The following CDH18 variants were observed in gnomAD, a reference collection of about 807,000 sequenced individuals.
CDH18 encodes the protein cadherin-18.
Under a neutral mutation model 67.9 loss-of-function variants are expected in CDH18, and 31 were observed. The ratio of observed to expected loss-of-function variants is 0.46; its 90% CI spans 0.34 to 0.62. The LOEUF is 0.62. CDH18 is among the 20% of genes least tolerant of loss of function. The probability of loss-of-function intolerance (pLI) is 0.01; values close to 1 mark genes in which losing one functional copy is unlikely to be tolerated. For missense variants in CDH18, 890 were observed against 975.5 expected (o/e 0.91, Z 1.17); for synonymous variants, 362 against 347.2 (o/e 1.04, Z -0.48).
chr5:19,752,243 C>T (rs1184036382), intron 3 of CDH18, among the ~76,000 whole-genome samples: 1 of 151,798 alleles, frequency 6.6e-6, no homozygotes, highest in African/African-American at 2.4e-5. Flanking sequence ...GCACTAAAGC[C>T]CTACTTTCTT....
At chr5:20,320,020 A>C (rs1195521910) in intron 1 of CDH18, among the ~76,000 whole-genome samples, 1 of 152,160 alleles carries the variant, frequency 6.6e-6, no homozygotes, top group African/African-American at 2.4e-5. Context: ...TGCATTAGAT[A>C]TATCAGGATG....
intron 10 of CDH18, among the ~76,000 whole-genome samples, chr5:19,515,217 G>C (rs546358233): frequency 6.6e-6 from 1 of 152,212 alleles, no homozygotes; most frequent in South Asian, 2.1e-4. Flanking sequence ...CTCTGTTTTG[G>C]TACCAGTACC....
At chr5:19,719,480 A>G (rs1765735122) in intron 5 of CDH18, among the ~76,000 whole-genome samples, 1 of 152,010 alleles carries the variant, frequency 6.6e-6, no homozygotes, top group Admixed American at 6.6e-5. Context: ...ATAGAACAAA[A>G]TGTGAAATAT....
intron 2 of CDH18, among the ~76,000 whole-genome samples, chr5:19,912,965 T>C (rs1791318535): frequency 6.6e-6 from 1 of 152,098 alleles, no homozygotes; most frequent in Non-Finnish European, 1.5e-5. Context: ...TTAGAGACTA[T>C]GAGAAGGCTT....
At chr5:20,534,826 C>CTTGT (rs1231389841) in intron 1 of CDH18, among the ~76,000 whole-genome samples, 2 of 104,264 alleles carry the variant, frequency 1.9e-5, no homozygotes, top group Non-Finnish European at 3.7e-5. Context: ...ATTCTAAATA[C>CTTGT]ATGTATTTAT....
rs147253059 is a variant in CDH18, at chr5:20,305,311, A to G, written c.-579-49806T>C. 8.2e-4 allele frequency: 1,289 copies of G among 1,568,120 alleles called. 15 individuals carry two copies. The African/African-American group carries it at 0.015, about 19-fold the overall frequency. ...TCCTCTACTGTCAGATTCGAATCCA[A>G]CATTTCTGCGCTTTGCTTTCTTTAT... is the stretch of plus-strand genomic sequence containing the variant. On this transcript the variant is annotated intron_variant, in intron 1 of 14. Coordinates refer to the CDH18 transcript ENST00000507958.
intron 1 of CDH18, among the ~76,000 whole-genome samples, chr5:20,420,231 T>C (rs1214328966): frequency 6.6e-6 from 1 of 151,270 alleles, no homozygotes; most frequent in Non-Finnish European, 1.5e-5. Flanking sequence ...AACTCGCTGA[T>C]GCTCTCTGCA....
At chr5:20,220,413 T>C (rs1196598370) in intron 2 of CDH18, among the ~76,000 whole-genome samples, 2 of 151,922 alleles carry the variant, frequency 1.3e-5, no homozygotes, top group Non-Finnish European at 2.9e-5. Flanking sequence ...CTGAGAGAAA[T>C]GGATATCCAC....
At chr5:20,564,183 G>A (rs2126654167) in intron 1 of CDH18, among the ~76,000 whole-genome samples, 1 of 152,062 alleles carries the variant, frequency 6.6e-6, no homozygotes, top group African/African-American at 2.4e-5. Context: ...CAGCCATGGT[G>A]AACAACATGC....
At chr5:20,331,227 A>T (rs188795760) in intron 1 of CDH18, 1 of 152,148 alleles carries the variant, frequency 6.6e-6, no homozygotes. Flanking sequence ...CTACAATTTG[A>T]ATGTTTATCT....
intron 2 of CDH18, among the ~76,000 whole-genome samples, chr5:20,195,805 T>C (rs1255755732): frequency 6.6e-6 from 1 of 152,156 alleles, no homozygotes; most frequent in Non-Finnish European, 1.5e-5. Flanking sequence ...CATCCTTAGA[T>C]ATTTAATTTG....
At chr5:20,070,427 A>G (rs2150524171) in intron 2 of CDH18, among the ~76,000 whole-genome samples, 1 of 152,280 alleles carries the variant, frequency 6.6e-6, no homozygotes, top group Middle Eastern at 3.4e-3. Context: ...GATTTGGGGT[A>G]TACACATACT....
At chr5:19,835,012 C>T (rs1781465003) in intron 3 of CDH18, among the ~76,000 whole-genome samples, 1 of 152,092 alleles carries the variant, frequency 6.6e-6, no homozygotes, top group Non-Finnish European at 1.5e-5. Flanking sequence ...CCAGCAATCT[C>T]ATTACTGGAT....
intron 1 of CDH18, among the ~76,000 whole-genome samples, chr5:20,373,708 T>A (rs1380830209): frequency 6.6e-6 from 1 of 152,096 alleles, no homozygotes; most frequent in Non-Finnish European, 1.5e-5. Context: ...CCTACCTGAT[T>A]GTGCTTTGCA....
chr5:20,303,832 G>C (rs1334550876), intron 1 of CDH18, among the ~76,000 whole-genome samples: 1 of 152,162 alleles, frequency 6.6e-6, no homozygotes, highest in Non-Finnish European at 1.5e-5. Flanking sequence ...GCATTCAAAT[G>C]TATTTTACAC....
At chr5:20,441,407 G>A (rs987030671) in intron 1 of CDH18, among the ~76,000 whole-genome samples, 7 of 151,784 alleles carry the variant, frequency 4.6e-5, no homozygotes, top group African/African-American at 1.7e-4. Context: ...AACTGGTACA[G>A]GAATGATGTG....
intron 1 of CDH18, among the ~76,000 whole-genome samples, chr5:20,501,584 T>C (rs1277502108): frequency 1.7e-4 from 4 of 23,056 alleles, no homozygotes; most frequent in Non-Finnish European, 2.6e-4. Context: ...ATATATATTA[T>C]ATATATATAT....
chr5:20,306,354 G>T (rs2149979445), intron 1 of CDH18, among the ~76,000 whole-genome samples: 1 of 151,692 alleles, frequency 6.6e-6, no homozygotes, highest in East Asian at 1.9e-4. Context: ...CATTAATGTT[G>T]TTAATATTAT....
chr5:19,658,601 G>A (rs1445333151), intron 5 of CDH18, among the ~76,000 whole-genome samples: 3 of 151,768 alleles, frequency 2.0e-5, no homozygotes, highest in Non-Finnish European at 4.4e-5. Flanking sequence ...TACCAAGCAC[G>A]AGTAAACTGA....
Sources: allele counts gnomAD v4.1 joint callset (sites outside exome capture counted in the v4.1 genomes callset), GRCh38; gene constraint gnomAD v4.1.1; transcripts MANE v1.5; gene names NCBI Gene and HGNC (gene_info 2026-07-23, HGNC 2026-07-21).